Variants in CYSLTR2 observed in about 807,000 individuals in gnomAD.
CYSLTR2 encodes the protein cysteinyl leukotriene receptor 2.
For synonymous variants in CYSLTR2, 179 were observed against 160.8 expected (o/e 1.11, Z -0.86); for missense variants, 398 against 411.9 (o/e 0.97, Z 0.29).
At chr13:48,702,335 C>A (rs570118719) in intron 4 of CYSLTR2, among the ~76,000 whole-genome samples, 1 of 152,048 alleles carries the variant, frequency 6.6e-6, no homozygotes, top group Non-Finnish European at 1.5e-5. Context: ...GTGCAGCACA[C>A]CAACATGGCA....
chr13:48,665,479 A>G (rs948619404), intron 1 of CYSLTR2, among the ~76,000 whole-genome samples: 7 of 151,990 alleles, frequency 4.6e-5, no homozygotes, highest in African/African-American at 1.7e-4. Flanking sequence ...TTTGCTTTAT[A>G]TATTTGGGTG....
chr13:48,706,339 T>C (rs1954487471), intron 4 of CYSLTR2, among the ~76,000 whole-genome samples: 1 of 152,202 alleles, frequency 6.6e-6, no homozygotes, highest in African/African-American at 2.4e-5. Context: ...AAAGTCTTAG[T>C]TTTCCGTCTG....
At chr13:48,702,079 C>T (rs1347912641) in intron 4 of CYSLTR2, among the ~76,000 whole-genome samples, 1 of 151,920 alleles carries the variant, frequency 6.6e-6, no homozygotes, top group African/African-American at 2.4e-5. Flanking sequence ...TACTATGCAG[C>T]CATAAAAAAG....
chr13:48,665,875 T>G lies in CYSLTR2; in HGVS notation c.-266+11858T>G, dbSNP rs528659863. On this transcript the variant is annotated intron_variant, in intron 1 of 4. Transcript: ENST00000682523. ...ATTGTATTGATTCTTTTCTGCTTGT[T>G]TTGTGTATCTTTTGTTCCTTACTTC... Among the ~76,000 whole-genome samples the G allele has an allele frequency of 1.2e-4, 19 of 152,202 alleles. No individual in the cohort carries two copies. The South Asian group carries it at 3.5e-3, about 28-fold the overall frequency.
chr13:48,662,651 G>A (rs1953159648), intron 1 of CYSLTR2, among the ~76,000 whole-genome samples: 1 of 152,102 alleles, frequency 6.6e-6, no homozygotes, highest in South Asian at 2.1e-4. Context: ...CCATTTGAAT[G>A]TCTTCTTTGT....
chr13:48,692,110 C>T (rs187043618), intron 2 of CYSLTR2, among the ~76,000 whole-genome samples: 1 of 151,920 alleles, frequency 6.6e-6, no homozygotes, highest in East Asian at 1.9e-4. Flanking sequence ...TGGAAAGAAT[C>T]AAGAATAGTT....
chr13:48,690,065 T>C (rs956027558), intron 1 of CYSLTR2, among the ~76,000 whole-genome samples: 2 of 152,158 alleles, frequency 1.3e-5, no homozygotes, highest in Non-Finnish European at 2.9e-5. Flanking sequence ...TTGTTTATTA[T>C]TGGTGTATAG....
Position 48,707,447 on chromosome 13 carries a change from C to G in CYSLTR2, c.630C>G (p.Cys210Trp), listed in dbSNP as rs201542754. ...ACTATATTGCCTTGGTGGTGGGCTGCCTGCTGCCATTTTTCACACTCAGCA... is the reference window on the plus strand; with the variant it reads ...ACTATATTGCCTTGGTGGTGGGCTGGCTGCTGCCATTTTTCACACTCAGCA... ...TMNYIALVVG[C>W]LLPFFTLSIC... The change falls in exon 5 of 5, where the codon TGC becomes TGG. Residue 210 changes from cysteine to tryptophan, a missense_variant. Coordinates refer to ENST00000682523, the MANE Select transcript of CYSLTR2 (RefSeq NM_001308476.3). 6 of 1,613,972 alleles carry G rather than the reference C, an allele frequency of 3.7e-6. No homozygotes were observed. In the East Asian group the frequency reaches 1.1e-4, roughly 30 times the overall value.
At chr13:48,669,326 G>A (rs1283774251) in intron 1 of CYSLTR2, among the ~76,000 whole-genome samples, 5 of 151,196 alleles carry the variant, frequency 3.3e-5, no homozygotes, top group East Asian at 1.9e-4. Context: ...TGTGCAGAAC[G>A]TGCAGATTTT....
intron 4 of CYSLTR2, among the ~76,000 whole-genome samples, chr13:48,704,019 T>C (rs1034115161): frequency 1.3e-5 from 2 of 152,220 alleles, no homozygotes; most frequent in Non-Finnish European, 2.9e-5. Flanking sequence ...GTAGGGTTAT[T>C]CAAAGCATTT....
intron 1 of CYSLTR2, among the ~76,000 whole-genome samples, chr13:48,661,310 A>G (rs1259249470): frequency 6.6e-6 from 1 of 151,960 alleles, no homozygotes; most frequent in Non-Finnish European, 1.5e-5. Flanking sequence ...TCATTTTCCC[A>G]TGGTCATAGA....
chr13:48,693,599 C>A (rs1404526255), intron 3 of CYSLTR2, 89 bp downstream of exon 3: 3 of 148,952 alleles, frequency 2.0e-5, no homozygotes, highest in African/African-American at 7.4e-5. Flanking sequence ...GAGCCCGCTG[C>A]AGGTGAATAA....
intron 1 of CYSLTR2, among the ~76,000 whole-genome samples, chr13:48,685,949 T>C (rs1953884820): frequency 6.6e-6 from 1 of 152,180 alleles, no homozygotes; most frequent in Non-Finnish European, 1.5e-5. Flanking sequence ...AAATGTACTG[T>C]GACTCTCCAA....
At chr13:48,686,822 A>T (rs1000900951) in intron 1 of CYSLTR2, among the ~76,000 whole-genome samples, 27 of 152,220 alleles carry the variant, frequency 1.8e-4, no homozygotes, top group Admixed American at 5.2e-4. Context: ...GTTTTAGATG[A>T]TACTTTCCAG....
chr13:48,686,612 C>T (rs1471399713), intron 1 of CYSLTR2, among the ~76,000 whole-genome samples: 1 of 152,174 alleles, frequency 6.6e-6, no homozygotes, highest in Non-Finnish European at 1.5e-5. Context: ...GGGCTTTCCT[C>T]CCACAGTCAT....
chr13:48,709,688 A>G lies in CYSLTR2; in HGVS notation c.*1830A>G, dbSNP rs1019749821. On this transcript the variant is annotated 3_prime_UTR_variant, in exon 5 of 5. Coordinates refer to ENST00000682523, the MANE Select transcript of CYSLTR2 (RefSeq NM_001308476.3). ...AAAGGCCGTAACATGAAAGGCACCA[A>G]CAAATAAATGTGAGAGTAGATAGAG... 4 of 152,240 alleles carry G rather than the reference A, an allele frequency of 2.6e-5. No homozygotes were observed. Among genetic ancestry groups the G allele is most frequent in the Admixed American group, 2.6e-4 (4 of 15,280 alleles). 9.4% of individuals were successfully genotyped at this position (152,240 alleles called of 1,614,324 possible).
intron 4 of CYSLTR2, 90 bp from the exon 5 acceptor site, chr13:48,706,727 A>T: frequency 9.4e-7 from 1 of 1,065,470 alleles, no homozygotes; most frequent in Non-Finnish European, 1.4e-6. Context: ...TCCCTGTTTC[A>T]TTAAAACCTA....
chr13:48,661,571 C>T (rs1427427458), intron 1 of CYSLTR2, among the ~76,000 whole-genome samples: 1 of 151,706 alleles, frequency 6.6e-6, no homozygotes, highest in Non-Finnish European at 1.5e-5. Context: ...TGAGACAACT[C>T]ACATTTATTA....
At chr13:48,659,321 C>G (rs1032846023) in intron 1 of CYSLTR2, among the ~76,000 whole-genome samples, 1 of 152,164 alleles carries the variant, frequency 6.6e-6, no homozygotes, top group Admixed American at 6.5e-5. Flanking sequence ...TCCTGGGGTC[C>G]TCTCAATAAC....
Sources: gnomAD v4.1 joint callset for allele counts (sites outside exome capture counted in the v4.1 genomes callset) on GRCh38, gnomAD v4.1.1 for gene constraint, MANE v1.5 for transcripts, NCBI Gene and HGNC (gene_info 2026-07-23, HGNC 2026-07-21) for gene names.